The following PSMG1 variants were observed in gnomAD, a reference collection of about 807,000 sequenced individuals.
PSMG1 encodes Down syndrome critical region gene 2.
PSMG1 carries 23 observed loss-of-function variants against 37.2 expected under a neutral mutation model. That is an observed-to-expected ratio of 0.62 (90% CI 0.44 to 0.88). The LOEUF (loss-of-function observed/expected upper bound fraction) is 0.88. PSMG1 is among the 40% of genes least tolerant of loss of function. The pLI, the probability that PSMG1 is intolerant of heterozygous loss-of-function variation, is 0.00. For missense variants in PSMG1, 340 were observed against 344.2 expected (o/e 0.99, Z 0.10); for synonymous variants, 127 against 128.0 (o/e 0.99, Z 0.05).
chr21:39,181,485 G>T (rs2030825699), intron 2 of PSMG1, among the ~76,000 whole-genome samples: 1 of 151,746 alleles, frequency 6.6e-6, no homozygotes, highest in Non-Finnish European at 1.5e-5. Context: ...ACCAGGTGCT[G>T]TGGCTCACAC....
chr21:39,182,466 A>G (rs1412080348), intron 1 of PSMG1, among the ~76,000 whole-genome samples: 1 of 152,232 alleles, frequency 6.6e-6, no homozygotes, highest in Non-Finnish European at 1.5e-5. Flanking sequence ...TCATGTTTGA[A>G]AAAACTAGGT....
At chr21:39,176,594 T>C (rs2030633894) in intron 6 of PSMG1, among the ~76,000 whole-genome samples, 1 of 152,258 alleles carries the variant, frequency 6.6e-6, no homozygotes, top group Admixed American at 6.5e-5. Flanking sequence ...TTTACAGCTG[T>C]ACTCTTCAAC....
chr21:39,178,744 T>C (rs2030717761), intron 4 of PSMG1, 97 bp from the exon 5 acceptor site: 1 of 1,087,200 alleles, frequency 9.2e-7, no homozygotes, highest in South Asian at 1.5e-5. Context: ...CAGACAATAA[T>C]AGCATGCCTA....
chr21:39,175,919 C>T (rs546017228), intron 6 of PSMG1, among the ~76,000 whole-genome samples: 76 of 152,258 alleles, frequency 5.0e-4, no homozygotes, highest in African/African-American at 1.8e-3. Flanking sequence ...TATGCTCTAA[C>T]CCGCCCGACC....
chr21:39,175,802 TCTC>T, intron 6 of PSMG1, 138 bp from the exon 7 acceptor site: 1 of 591,610 alleles, frequency 1.7e-6, no homozygotes. Context: ...TTACTCTCCT[TCTC>T]AACGAAAAGG....
upstream of PSMG1, chr21:39,183,455 G>T: frequency 2.0e-6 from 3 of 1,485,480 alleles, no homozygotes; most frequent in Non-Finnish European, 2.7e-6. Context: ...GCGAGACCAC[G>T]CTCCCTCACC....
Position 39,183,340 on chromosome 21 carries a change from C to T in PSMG1, c.46G>A (p.Ala16Thr), listed in dbSNP as rs1255278607. 1.3e-6 allele frequency: 2 copies of T among 1,574,166 alleles called. No individual in the cohort carries two copies. The highest frequency in any genetic ancestry group is 1.7e-6 in the Non-Finnish European group (2 of 1,162,840). Reference protein sequence around the residue: ...FGEVVKAPCRAGTEDEEEEEE... With the variant: ...FGEVVKAPCRTGTEDEEEEEE... ...TCCTCCTCTTCGTCCTCAGTCCCAG[C>T]TCGGCACGGCGCCTTCACCACCTCT... Residue 16 changes from alanine (A) to threonine (T), a missense_variant, in exon 1 of 7, where the codon GCT becomes ACT. Transcript: ENST00000331573.
At chr21:39,180,245 A>G in intron 3 of PSMG1, 40 bp downstream of exon 3, 1 of 1,550,910 alleles carries the variant, frequency 6.4e-7, no homozygotes, top group Non-Finnish European at 8.7e-7. Flanking sequence ...TGTAAGTGAT[A>G]CTTAAATAAC....
intron 6 of PSMG1, among the ~76,000 whole-genome samples, chr21:39,175,894 C>A (rs2030610397): frequency 6.6e-6 from 1 of 152,134 alleles, no homozygotes; most frequent in Non-Finnish European, 1.5e-5. Flanking sequence ...GGTCTCCTGG[C>A]CTCTGGAGGA....
intron 3 of PSMG1, 103 bp from the exon 4 acceptor site, chr21:39,180,089 A>AT: frequency 7.6e-7 from 1 of 1,314,874 alleles, no homozygotes; most frequent in South Asian, 1.3e-5. Flanking sequence ...GGTAATACTT[A>AT]TTTTCCTGGC....
In PSMG1 at chr21:39,178,506, A is replaced by C; in HGVS notation, c.598T>G (p.Ser200Ala). The C allele has an allele frequency of 6.8e-6, 11 of 1,614,146 alleles. No homozygotes were observed. Among genetic ancestry groups the C allele is most frequent in the Non-Finnish European group, 9.3e-6 (11 of 1,180,012 alleles). Reference sequence around the variant, plus strand: ...TGTTCTAGCAATGGACAACACGCCGAGTCTTTGAAATTCTGTGTTTTTAGG... The same window carrying C: ...TGTTCTAGCAATGGACAACACGCCGCGTCTTTGAAATTCTGTGTTTTTAGG... ...RALKTQNFKD[S>A]ACCPLLEQPN... The change falls in exon 5 of 7, where the codon TCG becomes GCG. Residue 200 changes from serine (S) to alanine (A), a missense_variant. By Grantham distance (99) the Ser-to-Ala change is moderately conservative. Transcript: ENST00000331573.
chr21:39,177,388 C>T (rs748735606), intron 6 of PSMG1, 47 bp downstream of exon 6: 6 of 1,478,386 alleles, frequency 4.1e-6, no homozygotes, highest in South Asian at 1.4e-5. Flanking sequence ...TGTTACTAAG[C>T]TGATTATAAC....
chr21:39,178,424 T>C (rs2030701703), intron 5 of PSMG1, 25 bp downstream of exon 5: 1 of 1,581,238 alleles, frequency 6.3e-7, no homozygotes, highest in African/African-American at 1.3e-5. Context: ...AGATAGAATG[T>C]AAATGTTACA....
In PSMG1 at chr21:39,175,501, T is replaced by C. The variant is rs1569140394; in HGVS notation, c.*89A>G. 4.9e-5 allele frequency: 69 copies of C among 1,409,582 alleles called. No individual in the cohort carries two copies. The East Asian group carries it at 1.7e-3, about 34-fold the overall frequency. 87.3% of individuals were successfully genotyped at this position (1,409,582 alleles called of 1,614,324 possible). A position where few individuals can be genotyped will look rare whatever the true frequency, so the allele number is the denominator to read the frequency against. Reference sequence around the variant, plus strand: ...ATTCCGTTTCATCATTCTCAAAATATATCCCCCAAAAGTAATCTACAAAAG... The same window carrying C: ...ATTCCGTTTCATCATTCTCAAAATACATCCCCCAAAAGTAATCTACAAAAG... On this transcript the variant is annotated 3_prime_UTR_variant, in exon 7 of 7. Coordinates refer to ENST00000331573, the MANE Select transcript of PSMG1 (RefSeq NM_003720.4).
In PSMG1 at chr21:39,177,429, C is replaced by G; in HGVS notation, c.792+6G>C. On this transcript the variant is annotated splice_donor_region_variant and intron_variant, in intron 6 of 6. Transcript: ENST00000331573. ...AGCTATTAATTTAAATGAGTTAAAA[C>G]CTTACCTTAACCAAACCCTTCAAGC... The G allele has an allele frequency of 1.9e-6, 3 of 1,577,332 alleles. No homozygotes were observed. Among genetic ancestry groups the G allele is most frequent in the Non-Finnish European group, 1.7e-6 (2 of 1,167,344 alleles).
In PSMG1 at chr21:39,183,405, G is replaced by T; in HGVS notation, c.-20C>A. ...CGCCATAGCCGCCCCGTGACCGGCT[G>T]GACACAACTGCAGCGCCGCGGGACC... is the stretch of plus-strand genomic sequence containing the variant. On this transcript the variant is annotated 5_prime_UTR_variant, in exon 1 of 7. Coordinates refer to ENST00000331573, the MANE Select transcript of PSMG1 (RefSeq NM_003720.4). 1 of 1,571,514 alleles carries T rather than the reference G, an allele frequency of 6.4e-7. No individual in the cohort carries two copies. Among genetic ancestry groups the T allele is most frequent in the Non-Finnish European group, 8.6e-7 (1 of 1,164,226 alleles).
intron 1 of PSMG1, 81 bp downstream of exon 1, chr21:39,183,171 G>C (rs962931413): frequency 7.8e-6 from 11 of 1,414,790 alleles, no homozygotes; most frequent in Non-Finnish European, 1.0e-5. Flanking sequence ...GCGGAGCCCC[G>C]GCCTTAGGCG....
chr21:39,179,989 G>C lies in PSMG1; in HGVS notation c.394-3C>G, dbSNP rs1040480387. ...CAACTGCACTGACAGAGAAAAACCT[G>C]AAAAGTCAAGTTCCACGCTTTTTGT... is the stretch of plus-strand genomic sequence containing the variant. On this transcript the variant is annotated splice_region_variant and splice_polypyrimidine_tract_variant and intron_variant, in intron 3 of 6. Coordinates refer to ENST00000331573, the MANE Select transcript of PSMG1 (RefSeq NM_003720.4). 6.2e-7 allele frequency: 1 copy of C among 1,610,392 alleles called. No individual in the cohort carries two copies. Among genetic ancestry groups the C allele is most frequent in the Non-Finnish European group, 8.5e-7 (1 of 1,179,104 alleles).
chr21:39,178,717 G>A lies in PSMG1; in HGVS notation c.457-70C>T, dbSNP rs566736061. 7.9e-6 allele frequency: 11 copies of A among 1,387,400 alleles called. No individual in the cohort carries two copies. In the South Asian group the frequency reaches 1.0e-4, roughly 13 times the overall value. 85.9% of individuals were successfully genotyped at this position (1,387,400 alleles called of 1,614,324 possible). On this transcript the variant is annotated intron_variant, in intron 4 of 6. Coordinates refer to ENST00000331573, the MANE Select transcript of PSMG1 (RefSeq NM_003720.4). ...TTACAGAATGGAAACATTCCTCTAG[G>A]TATTCACCTAACACCACAGACAATA...
Sources: gnomAD v4.1 joint callset for allele counts (sites outside exome capture counted in the v4.1 genomes callset) on GRCh38, gnomAD v4.1.1 for gene constraint, MANE v1.5 for transcripts, NCBI Gene and HGNC (gene_info 2026-07-23, HGNC 2026-07-21) for gene names.